The following TRMT9B variants were observed in gnomAD, a reference collection of about 807,000 sequenced individuals.
TRMT9B encodes probable tRNA methyltransferase 9B.
A neutral mutation model predicts 11.5 loss-of-function variants in TRMT9B; 16 were observed. The observed-to-expected ratio is 1.39, with a 90% CI of 0.94 to 2.11. The LOEUF is 2.11. Ranked by LOEUF, TRMT9B falls within the 30% of genes most tolerant of loss-of-function variation. The pLI is 0.00. For synonymous variants in TRMT9B, 274 were observed against 192.4 expected (o/e 1.42, Z -3.51); for missense variants, 941 against 553.8 (o/e 1.70, Z -7.02).
chr8:12,992,470 G>T (rs1446060545), intron 2 of TRMT9B, among the ~76,000 whole-genome samples: 1 of 152,018 alleles, frequency 6.6e-6, no homozygotes, highest in Non-Finnish European at 1.5e-5. Flanking sequence ...GATAGGAGGT[G>T]TAGGTTCTAG....
intron 3 of TRMT9B, chr8:13,012,071 T>C (rs1811710478): frequency 1.0e-6 from 1 of 985,380 alleles, no homozygotes; most frequent in East Asian, 1.1e-4. Context: ...TAGAACTATC[T>C]TTCTTGCCTT....
intron 1 of TRMT9B, among the ~76,000 whole-genome samples, chr8:12,968,285 C>T (rs1803103987): frequency 6.6e-6 from 1 of 152,224 alleles, no homozygotes; most frequent in African/African-American, 2.4e-5. Flanking sequence ...GGCATGTGGC[C>T]TGTGTGATGG....
At chr8:13,016,071 A>C (rs2954192) in intron 4 of TRMT9B, among the ~76,000 whole-genome samples, 61,780 of 147,084 alleles carry the variant, frequency 0.42, 13,602 homozygotes, top group East Asian at 0.6. Flanking sequence ...CCTAAAGAGA[A>C]CTTGTCCCTA....
At chr8:12,998,604 A>G (rs528431452) in intron 2 of TRMT9B, among the ~76,000 whole-genome samples, 1 of 152,330 alleles carries the variant, frequency 6.6e-6, no homozygotes, top group East Asian at 1.9e-4. Context: ...AGGAGCAGGT[A>G]TAAAAAGCAC....
In TRMT9B at chr8:12,965,614, ATT is replaced by A. The variant is rs112013324; in HGVS notation, c.-200+19661_-200+19662del. On this transcript the variant is annotated intron_variant, in intron 1 of 4. Transcript: ENST00000524591. ...GGATCCCAAAAGGCTTAGTTGTCTG[ATT>A]TTTTTTTTTTTTAAGCCCAAGGTAG... 5.7e-3 allele frequency among the ~76,000 whole-genome samples: 836 copies of A among 145,998 alleles called. 9 individuals are homozygous for A. Among genetic ancestry groups the A allele is most frequent in the African/African-American group, 0.018 (731 of 39,888 alleles).
chr8:12,953,020 G>C (rs748709051), intron 1 of TRMT9B, among the ~76,000 whole-genome samples: 8 of 152,100 alleles, frequency 5.3e-5, no homozygotes, highest in Non-Finnish European at 1.0e-4. Flanking sequence ...TTACAGGCGT[G>C]AGCCACCGGG....
intron 2 of TRMT9B, among the ~76,000 whole-genome samples, chr8:13,002,798 GA>G (rs948903234): frequency 1.1e-4 from 16 of 152,128 alleles, no homozygotes; most frequent in African/African-American, 3.9e-4. Flanking sequence ...TCCATACAGG[GA>G]AGACACCGTC....
chr8:13,006,189 C>T lies in TRMT9B; in HGVS notation c.-1-13C>T. The T allele has an allele frequency of 1.2e-6, 2 of 1,613,412 alleles. No individual in the cohort carries two copies. Among genetic ancestry groups the T allele is most frequent in the Non-Finnish European group, 1.7e-6 (2 of 1,179,582 alleles). The stretch of plus-strand genomic sequence containing the variant: ...CTGACCTGCATGCCTTGGGTTGGTC[C>T]TGTTTTCTCCAGGATGGATCATGAA... On this transcript the variant is annotated splice_polypyrimidine_tract_variant and intron_variant, in intron 2 of 4. Coordinates refer to ENST00000524591, the MANE Select transcript of TRMT9B (RefSeq NM_020844.3).
intron 1 of TRMT9B, among the ~76,000 whole-genome samples, chr8:12,975,811 A>G (rs573088804): frequency 5.9e-5 from 9 of 152,324 alleles, no homozygotes; most frequent in East Asian, 1.9e-4. Flanking sequence ...CATTCCTTCA[A>G]TTGATGATAA....
Position 13,022,869 on chromosome 8 carries a change from G to C in TRMT9B, c.*825G>C, listed in dbSNP as rs7831230. On this transcript the variant is annotated 3_prime_UTR_variant, in exon 5 of 5. Transcript: ENST00000524591. ...GTGGTGGTGCATGCCTGTCATCCAA[G>C]CTACTCAAGAGACTGAGGCAGGAGG... The C allele has an allele frequency of 4.8e-5, 8 of 166,216 alleles. No homozygotes were observed. Among genetic ancestry groups the C allele is most frequent in the Admixed American group, 3.9e-4 (6 of 15,256 alleles). The allele number at this position is 166,216 out of a possible 1,614,324, so 10.3% of individuals were successfully genotyped here.
chr8:13,020,463 A>G (rs1258940695), intron 4 of TRMT9B, among the ~76,000 whole-genome samples: 4 of 152,214 alleles, frequency 2.6e-5, no homozygotes, highest in Non-Finnish European at 4.4e-5. Flanking sequence ...ATATCTTATT[A>G]TAAGCAACCA....
chr8:13,008,909 T>C (rs1039907734), intron 3 of TRMT9B, among the ~76,000 whole-genome samples: 5 of 152,082 alleles, frequency 3.3e-5, no homozygotes, highest in Non-Finnish European at 7.4e-5. Flanking sequence ...TTTGTATTTT[T>C]AGTAGAGACG....
intron 1 of TRMT9B, among the ~76,000 whole-genome samples, chr8:12,984,040 C>G (rs910917764): frequency 1.3e-5 from 2 of 152,194 alleles, no homozygotes; most frequent in African/African-American, 4.8e-5. Flanking sequence ...GGTGAGGTCA[C>G]ACAACCGCAG....
intron 4 of TRMT9B, among the ~76,000 whole-genome samples, chr8:13,016,161 A>G (rs56231366): frequency 0.14 from 7,840 of 55,862 alleles, 334 homozygotes; most frequent in Non-Finnish European, 0.18. Flanking sequence ...CCTGAAAATC[A>G]TATATATAAA....
chr8:13,011,902 G>A (rs912100526), intron 3 of TRMT9B: 1 of 985,080 alleles, frequency 1.0e-6, no homozygotes, highest in South Asian at 4.7e-5. Flanking sequence ...ATGTTTTAGT[G>A]TATAAATAAT....
intron 1 of TRMT9B, chr8:12,952,607 A>T: frequency 1.2e-6 from 1 of 811,100 alleles, no homozygotes; most frequent in Non-Finnish European, 1.5e-6. Context: ...ACTGATTTTT[A>T]ATTAGTAAGA....
intron 4 of TRMT9B, 28 bp downstream of exon 4, chr8:13,012,885 C>T (rs566981070): frequency 6.2e-7 from 1 of 1,608,258 alleles, no homozygotes; most frequent in Admixed American, 1.7e-5. Context: ...CACATTCACC[C>T]TTTGCCATGA....
intron 2 of TRMT9B, among the ~76,000 whole-genome samples, chr8:13,004,299 G>A (rs1222360499): frequency 6.6e-6 from 1 of 151,892 alleles, no homozygotes; most frequent in Non-Finnish European, 1.5e-5. Context: ...TGGACCAGGT[G>A]GGGAGGAGGG....
At chr8:12,970,627 C>G (rs143543585) in intron 1 of TRMT9B, among the ~76,000 whole-genome samples, 249 of 152,310 alleles carry the variant, frequency 1.6e-3, no homozygotes, top group African/African-American at 5.8e-3. Flanking sequence ...ATGGTTAATG[C>G]AGCTGTCAAT....
Sources: gnomAD v4.1 joint callset for allele counts (sites outside exome capture counted in the v4.1 genomes callset) on GRCh38, gnomAD v4.1.1 for gene constraint, MANE v1.5 for transcripts, NCBI Gene and HGNC (gene_info 2026-07-23, HGNC 2026-07-21) for gene names.